WDR3: variants seen among roughly 807,000 people sequenced by gnomAD.
WDR3 encodes WD repeat domain 3.
In WDR3, 81 loss-of-function variants were observed where a neutral mutation model predicts 123.7. The ratio of observed to expected loss-of-function variants is 0.65; its 90% CI spans 0.55 to 0.79. The LOEUF (loss-of-function observed/expected upper bound fraction) is 0.79, where lower values mean the gene tolerates loss of function less well. WDR3 is among the 30% of genes least tolerant of loss of function. The pLI is 0.00. For missense variants in WDR3, 1,027 were observed against 1,123.2 expected, an observed-to-expected ratio of 0.91 and a Z score of 1.22; for synonymous variants, 390 against 388.8, an observed-to-expected ratio of 1.00 and a Z score of -0.04.
Position 117,939,968 on chromosome 1 carries a change from A to G in WDR3, c.675+396A>G, listed in dbSNP as rs927395356. ...TTTTTCTTAGACATTCAAAGAATTT[A>G]CATAGAAGAAAAGCTTGCAGACCTT... On this transcript the variant is annotated intron_variant, in intron 6 of 26. Transcript: ENST00000349139. Among the ~76,000 whole-genome samples, 46 of 152,232 alleles carry G rather than the reference A, an allele frequency of 3.0e-4. 1 individual carries two copies. The highest frequency in any genetic ancestry group is 1.5e-5 in the Non-Finnish European group (1 of 68,044).
In WDR3 at chr1:117,965,630, A is replaced by T. The variant is rs1212913456; in HGVS notation, c.*6183A>T. 2 of 151,998 alleles carry T rather than the reference A, an allele frequency of 1.3e-5. No individual in the cohort carries two copies. Among genetic ancestry groups the T allele is most frequent in the East Asian group, 3.9e-4 (2 of 5,168 alleles). The allele number at this position is 151,998 out of a possible 1,614,324, so 9.4% of individuals were successfully genotyped here. On this transcript the variant is annotated 3_prime_UTR_variant, in exon 27 of 27. Coordinates refer to ENST00000349139, the MANE Select transcript of WDR3 (RefSeq NM_006784.3). ...CCACTCCCAGTTCTTGTCCTCACACATGGCCCATTCAGGTAGACTTCTAAT... is the reference window on the plus strand; with the variant it reads ...CCACTCCCAGTTCTTGTCCTCACACTTGGCCCATTCAGGTAGACTTCTAAT...
chr1:117,945,566 A>T (rs2101210129), intron 11 of WDR3, among the ~76,000 whole-genome samples: 1 of 152,314 alleles, frequency 6.6e-6, no homozygotes, highest in Middle Eastern at 3.4e-3. Flanking sequence ...GATATTTATT[A>T]TTCCCAAAGA....
rs532416726 is a variant in WDR3 at position 117,962,572 on chromosome 1, G to A, written c.*3125G>A. On this transcript the variant is annotated 3_prime_UTR_variant, in exon 27 of 27. Transcript: ENST00000349139. ...AAAAAAAAAAAAAAGGCTCTTGAAT[G>A]ATGTATTGGGAGTAAAACATTTAGG... 4 of 149,940 alleles carry A rather than the reference G, an allele frequency of 2.7e-5. No individual in the cohort carries two copies. Among genetic ancestry groups the A allele is most frequent in the African/African-American group, 9.8e-5 (4 of 40,862 alleles). The allele number at this position is 149,940 out of a possible 1,614,324, so 9.3% of individuals were successfully genotyped here.
rs887412164 is a variant in WDR3, at chr1:117,963,737, G to A, written c.*4290G>A. The A allele has an allele frequency of 6.2e-6, 9 of 1,463,186 alleles. No homozygotes were observed. In the East Asian group the frequency reaches 2.1e-4, roughly 34 times the overall value. The allele number at this position is 1,463,186 out of a possible 1,614,324, so 90.6% of individuals were successfully genotyped here. The stretch of plus-strand genomic sequence containing the variant: ...ACTATAAGAAGAGGGGAAGAAACCT[G>A]GGGTCTAATACCTCAAATTTGAATG... On this transcript the variant is annotated 3_prime_UTR_variant, in exon 27 of 27. Coordinates refer to ENST00000349139, the MANE Select transcript of WDR3 (RefSeq NM_006784.3).
At chr1:117,956,041 G>C (rs1184460425) in intron 24 of WDR3, among the ~76,000 whole-genome samples, 2 of 152,266 alleles carry the variant, frequency 1.3e-5, no homozygotes, top group Middle Eastern at 6.8e-3. Flanking sequence ...CAGTGTGTGA[G>C]CCAAAAGGTA....
At chr1:117,943,984 T>C (rs528568514) in intron 11 of WDR3, among the ~76,000 whole-genome samples, 1 of 152,310 alleles carries the variant, frequency 6.6e-6, no homozygotes, top group Non-Finnish European at 1.5e-5. Context: ...GACTGTTTTA[T>C]ACCTTGCTTC....
At chr1:117,945,802 T>C (rs150645003) in intron 11 of WDR3, among the ~76,000 whole-genome samples, 2 of 152,360 alleles carry the variant, frequency 1.3e-5, no homozygotes, top group African/African-American at 2.4e-5. Context: ...CACTCACTTC[T>C]TGGTAATGGC....
At chr1:117,945,139 T>C (rs1325684731) in intron 11 of WDR3, among the ~76,000 whole-genome samples, 1 of 152,176 alleles carries the variant, frequency 6.6e-6, no homozygotes, top group Non-Finnish European at 1.5e-5. Context: ...TCATCTGGGT[T>C]ATTGTAAAGC....
rs371210122 is a variant in WDR3 at position 117,952,564 on chromosome 1, C to T, written c.2053C>T (p.Pro685Ser). Residue 685 changes from proline (P) to serine (S), a missense_variant, in exon 19 of 27, where the codon CCC (proline) becomes TCC (serine). Physicochemically the swap from Pro to Ser is moderately conservative, Grantham distance 74. Transcript: ENST00000349139. ...HQEIWCLAVS[P>S]SGDYVVSSSH... ...GGAAATATGGTGTTTGGCTGTAAGC[C>T]CCAGTGGAGACTATGTTGTATCATC... 6.2e-6 allele frequency: 10 copies of T among 1,613,304 alleles called. No homozygotes were observed. Among genetic ancestry groups the T allele is most frequent in the African/African-American group, 2.7e-5 (2 of 74,988 alleles).
rs1223514668 is a variant in WDR3, at chr1:117,966,361, T to G, written c.*6914T>G. 3.0e-6 allele frequency: 1 copy of G among 338,710 alleles called. No individual in the cohort carries two copies. The highest frequency in any genetic ancestry group is 5.3e-6 in the Non-Finnish European group (1 of 189,570). The allele number at this position is 338,710 out of a possible 1,614,324, so 21.0% of individuals were successfully genotyped here. A position where few individuals can be genotyped will look rare whatever the true frequency, so the allele number is the denominator to read the frequency against. On this transcript the variant is annotated 3_prime_UTR_variant, in exon 27 of 27. Coordinates refer to ENST00000349139, the MANE Select transcript of WDR3 (RefSeq NM_006784.3). Reference sequence around the variant, plus strand: ...TTTTATTATTCTGTCTGATATTCCGTAGATAGCCAATAACATTTACATTTA... The same window carrying G: ...TTTTATTATTCTGTCTGATATTCCGGAGATAGCCAATAACATTTACATTTA...
In WDR3 at chr1:117,952,077, G is replaced by GT; in HGVS notation, c.1904+2dup. On this transcript the variant is annotated splice_donor_variant, in intron 17 of 26. Coordinates refer to ENST00000349139, the MANE Select transcript of WDR3 (RefSeq NM_006784.3). LOFTEE classifies it high-confidence loss of function. ...AGTCTCTCTTTGCACATGATGACAG[G>GT]TATGTATAGTCTTTTCAAATGTCTC... The GT allele has an allele frequency of 6.2e-7, 1 of 1,612,354 alleles. No individual in the cohort carries two copies. Among genetic ancestry groups the GT allele is most frequent in the Non-Finnish European group, 8.5e-7 (1 of 1,179,054 alleles).
chr1:117,945,908 G>GT (rs2101210586), intron 11 of WDR3, among the ~76,000 whole-genome samples, 178 bp from the exon 12 acceptor site: 1 of 152,236 alleles, frequency 6.6e-6, no homozygotes, highest in South Asian at 2.1e-4. Context: ...AGTAAACAAA[G>GT]TTTGGTGCTT....
chr1:117,947,794 G>C (rs1651460677), intron 12 of WDR3, among the ~76,000 whole-genome samples: 1 of 152,182 alleles, frequency 6.6e-6, no homozygotes, highest in African/African-American at 2.4e-5. Flanking sequence ...AACAGGCTTT[G>C]CCTCTGTGTG....
Position 117,938,555 on chromosome 1 carries a change from T to C in WDR3, c.576T>C (p.Thr192=). 1.2e-6 allele frequency: 2 copies of C among 1,613,108 alleles called. No homozygotes were observed. Among genetic ancestry groups the C allele is most frequent in the Non-Finnish European group, 8.5e-7 (1 of 1,179,240 alleles). ...HCFKTMVGHR[T]EVWGLVLLSE... is the part of the protein sequence containing the mutation. Reference sequence around the variant, plus strand: ...TTAAAACAATGGTTGGCCACCGGACTGAGGTAAGTGTAGGGTCATGGGCCC... The same window carrying C: ...TTAAAACAATGGTTGGCCACCGGACCGAGGTAAGTGTAGGGTCATGGGCCC... The change falls in exon 5 of 27, where the codon ACT becomes ACC. Residue 192 remains threonine (T), a synonymous_variant. Coordinates refer to ENST00000349139, the MANE Select transcript of WDR3 (RefSeq NM_006784.3).
intron 13 of WDR3, 26 bp downstream of exon 13, chr1:117,948,532 T>G (rs369581886): frequency 3.6e-5 from 58 of 1,589,358 alleles, no homozygotes; most frequent in Non-Finnish European, 4.4e-5. Flanking sequence ...TTTAAAGCCC[T>G]GGAGTTCAGC....
intron 20 of WDR3, 74 bp downstream of exon 20, chr1:117,953,070 G>T: frequency 1.3e-6 from 2 of 1,511,878 alleles, no homozygotes; most frequent in East Asian, 2.3e-5. Flanking sequence ...ATAATGTCCA[G>T]AATTTCTAAT....
rs543458342 is a variant in WDR3, at chr1:117,964,905, T to G, written c.*5458T>G. ...CTAACCCTTCAGCTCTGTTTTTTAT[T>G]ATTCTTTTGCCCTGTTTTGGATATT... On this transcript the variant is annotated 3_prime_UTR_variant, in exon 27 of 27. Transcript: ENST00000349139. 1.3e-5 allele frequency: 2 copies of G among 152,344 alleles called. No homozygotes were observed. The highest frequency in any genetic ancestry group is 2.9e-5 in the Non-Finnish European group (2 of 68,030). The allele number at this position is 152,344 out of a possible 1,614,324, so 9.4% of individuals were successfully genotyped here. A position where few individuals can be genotyped will look rare whatever the true frequency, so the allele number is the denominator to read the frequency against.
chr1:117,954,170 GATTT>G, intron 22 of WDR3, 71 bp downstream of exon 22: 1 of 1,332,740 alleles, frequency 7.5e-7, no homozygotes, highest in Non-Finnish European at 1.0e-6. Flanking sequence ...ATTGTTTTGG[GATTT>G]ATTAACTAAG....
intron 11 of WDR3, among the ~76,000 whole-genome samples, chr1:117,944,262 TTC>T (rs1651289080): frequency 6.6e-6 from 1 of 152,260 alleles, no homozygotes; most frequent in Admixed American, 6.5e-5. Context: ...ATTGATGACT[TTC>T]TGTCTTTGAC....
Sources: allele counts gnomAD v4.1 joint callset (sites outside exome capture counted in the v4.1 genomes callset), GRCh38; gene constraint gnomAD v4.1.1; transcripts MANE v1.5; gene names NCBI Gene and HGNC (gene_info 2026-07-23, HGNC 2026-07-21).